NRXN1: variants seen among roughly 807,000 people sequenced by gnomAD.
The protein encoded by NRXN1 is neurexin-1.
Under a neutral mutation model 150.9 loss-of-function variants are expected in NRXN1, and 39 were observed. The observed-to-expected ratio is 0.26, with a 90% confidence interval of 0.20 to 0.34. The LOEUF is 0.34. Among genes scored for constraint, NRXN1 ranks in the 10% least tolerant of loss-of-function variants. NRXN1 has a pLI of 1.00. For synonymous variants in NRXN1, 924 were observed against 757.0 expected (o/e 1.22, Z -3.62); for missense variants, 1,815 against 1,949.9 (o/e 0.93, Z 1.30).
At chr2:50,028,505 C>G (rs967058906) in intron 21 of NRXN1, among the ~76,000 whole-genome samples, 4 of 152,176 alleles carry the variant, frequency 2.6e-5, no homozygotes, top group Non-Finnish European at 5.9e-5. Flanking sequence ...GTGTGTCCTA[C>G]TGAATATTAT....
chr2:51,000,497 A>G (rs956927419), intron 2 of NRXN1, among the ~76,000 whole-genome samples: 5 of 151,944 alleles, frequency 3.3e-5, no homozygotes, highest in African/African-American at 1.2e-4. Context: ...ATAATGGATT[A>G]TTTCATTTGA....
chr2:50,600,286 T>C (rs925557154), intron 8 of NRXN1, among the ~76,000 whole-genome samples: 4 of 149,266 alleles, frequency 2.7e-5, no homozygotes, highest in South Asian at 4.3e-4. Flanking sequence ...CAAAAAAAAA[T>C]AGAAAAATTT....
intron 15 of NRXN1, among the ~76,000 whole-genome samples, chr2:50,491,756 C>T (rs775947620): frequency 2.3e-4 from 35 of 152,146 alleles, no homozygotes; most frequent in Non-Finnish European, 4.1e-4. Context: ...CTATGCTACA[C>T]AGCTAGGAAT....
At chr2:50,895,095 A>C (rs1347847599) in intron 5 of NRXN1, among the ~76,000 whole-genome samples, 1 of 152,156 alleles carries the variant, frequency 6.6e-6, no homozygotes, top group East Asian at 1.9e-4. Flanking sequence ...CACAAGAATA[A>C]ATGACAAATT....
At chr2:50,658,814 G>C (rs1161870076) in intron 5 of NRXN1, among the ~76,000 whole-genome samples, 1 of 151,994 alleles carries the variant, frequency 6.6e-6, no homozygotes, top group Non-Finnish European at 1.5e-5. Context: ...TGTAGCCCAA[G>C]TTTGAAGAAC....
intron 15 of NRXN1, 44 bp downstream of exon 15, chr2:50,495,861 C>T (rs766094052): frequency 4.0e-6 from 6 of 1,497,040 alleles, no homozygotes; most frequent in South Asian, 1.4e-5. Context: ...TGAAGGGAGA[C>T]CGTGTGGTGC....
intron 18 of NRXN1, among the ~76,000 whole-genome samples, chr2:50,163,960 A>G (rs1024905349): frequency 3.3e-5 from 5 of 152,156 alleles, no homozygotes; most frequent in Non-Finnish European, 7.4e-5. Context: ...GCTTCTTTGG[A>G]AACCAAATCC....
chr2:50,688,034 T>G (rs557232594), intron 5 of NRXN1, among the ~76,000 whole-genome samples: 2 of 152,326 alleles, frequency 1.3e-5, no homozygotes, highest in Admixed American at 1.3e-4. Flanking sequence ...CCTGTTAGAA[T>G]CTCTCAGAAT....
At chr2:50,207,725 G>A (rs1174371444) in intron 18 of NRXN1, 1 of 168,102 alleles carries the variant, frequency 5.9e-6, no homozygotes, top group East Asian at 1.9e-4. Flanking sequence ...AACAAAATAT[G>A]ATCGGCTTTA....
At position 51,027,776 on chromosome 2, in the gene NRXN1, C is replaced by T. The variant is rs201212909; in HGVS notation, c.498G>A (p.Ala166=). The part of the protein sequence containing the change: ...GGLPPELRAA[A]LKLTLASVRE... ...TCACCGAGGCCAGGGTGAGCTTGAG[C>T]GCCGCGGCGCGCAGTTCCGGGGGCA... Residue 166 remains alanine, a synonymous_variant, in exon 2 of 23, where the codon GCG becomes GCA. Transcript: ENST00000401669. The T allele has an allele frequency of 2.8e-4, 456 of 1,612,242 alleles. 4 individuals are homozygous for T. Among genetic ancestry groups the T allele is most frequent in the Middle Eastern group, 2.3e-3 (14 of 6,062 alleles).
intron 18 of NRXN1, among the ~76,000 whole-genome samples, chr2:50,198,874 T>C (rs2061951382): frequency 6.6e-6 from 1 of 152,128 alleles, no homozygotes. Flanking sequence ...TAATGAACTT[T>C]TGGAGCACAG....
At chr2:50,790,474 A>G (rs949488054) in intron 5 of NRXN1, among the ~76,000 whole-genome samples, 3 of 152,246 alleles carry the variant, frequency 2.0e-5, no homozygotes, top group South Asian at 2.1e-4. Flanking sequence ...AAATAAAAGC[A>G]GCCAGGTGTG....
chr2:50,347,554 G>C lies in NRXN1; in HGVS notation c.3365-110584C>G, dbSNP rs1358720371. On this transcript the variant is annotated intron_variant, in intron 17 of 22. Coordinates refer to ENST00000401669, the MANE Select transcript of NRXN1 (RefSeq NM_001330078.2). The surrounding 1 kb of genome is among the most constrained non-coding windows in gnomAD (Gnocchi z 4.9). Reference sequence around the variant, plus strand: ...GCCAGCCTCCCCCGGGCAGCGCGCGGAGCAGCGGCGCGCATCGCCTGCTCC... The same window carrying C: ...GCCAGCCTCCCCCGGGCAGCGCGCGCAGCAGCGGCGCGCATCGCCTGCTCC... 1 of 1,028,720 alleles carries C rather than the reference G, an allele frequency of 9.7e-7. No individual in the cohort carries two copies. Among genetic ancestry groups the C allele is most frequent in the Non-Finnish European group, 1.2e-6 (1 of 855,990 alleles). The allele number at this position is 1,028,720 out of a possible 1,614,324, so 63.7% of individuals were successfully genotyped here. A position where few individuals can be genotyped will look rare whatever the true frequency, so the allele number is the denominator to read the frequency against.
chr2:50,046,537 A>G (rs1402011418), intron 21 of NRXN1, among the ~76,000 whole-genome samples: 1 of 152,156 alleles, frequency 6.6e-6, no homozygotes, highest in Non-Finnish European at 1.5e-5. Flanking sequence ...GGTACTTTGA[A>G]CATTTCTTTA....
At chr2:50,957,592 T>C (rs4971711) in intron 2 of NRXN1, among the ~76,000 whole-genome samples, 61,546 of 151,990 alleles carry the variant, frequency 0.4, 13,961 homozygotes, top group African/African-American at 0.59. Flanking sequence ...ATAATATTAG[T>C]AATCAATAAA....
intron 22 of NRXN1, among the ~76,000 whole-genome samples, chr2:49,925,948 G>A (rs540219963): frequency 2.0e-4 from 30 of 152,302 alleles, no homozygotes; most frequent in African/African-American, 7.2e-4. Flanking sequence ...CCGACGTGTA[G>A]GTAAAATTAA....
rs1219398689 is a variant in NRXN1, at chr2:50,623,353, A to G, written c.1095T>C (p.Asn365=). 2 of 1,613,332 alleles carry G rather than the reference A, an allele frequency of 1.2e-6. No individual in the cohort carries two copies. The highest frequency in any genetic ancestry group is 1.1e-5 in the South Asian group (1 of 91,070). ...VEPVNGKFND[N]AWHDVKVTRN... is the part of the protein sequence containing the mutation. ...TGGTGACTTTCACATCATGCCAGGC[A>G]TTATCATTAAACTTTCCATTCACAG... Residue 365 remains asparagine (N), a synonymous_variant, in exon 6 of 23, where the codon AAT becomes AAC. Transcript: ENST00000401669.
intron 18 of NRXN1, among the ~76,000 whole-genome samples, chr2:50,171,426 C>CA (rs5831095): frequency 0.18 from 26,792 of 151,960 alleles, 2,832 homozygotes; most frequent in East Asian, 0.41. Context: ...TTTTAGGCCC[C>CA]ATTAATGAGC....
intron 21 of NRXN1, among the ~76,000 whole-genome samples, chr2:50,004,945 A>G (rs1030931088): frequency 2.2e-4 from 31 of 142,956 alleles, no homozygotes; most frequent in Non-Finnish European, 4.2e-4. Flanking sequence ...ACAGATCCAC[A>G]GTTTGAGAAG....
Sources: allele counts gnomAD v4.1 joint callset (sites outside exome capture counted in the v4.1 genomes callset), GRCh38; gene constraint gnomAD v4.1.1; non-coding constraint Gnocchi (gnomAD v3.1); transcripts MANE v1.5; gene names NCBI Gene and HGNC (gene_info 2026-07-23, HGNC 2026-07-21).